RHPN1: variants seen among roughly 807,000 people sequenced by gnomAD.
The protein encoded by RHPN1 is rhophilin-1.
A neutral mutation model predicts 74.7 loss-of-function variants in RHPN1; 77 were observed. The ratio of observed to expected loss-of-function variants is 1.03; its 90% CI spans 0.86 to 1.25. RHPN1 has a LOEUF of 1.25. Among genes scored for constraint, RHPN1 ranks in the 50% most tolerant of loss-of-function variants. The probability of loss-of-function intolerance (pLI) is 0.00; values close to 1 mark genes in which losing one functional copy is unlikely to be tolerated. For missense variants in RHPN1, 987 were observed against 932.2 expected, an observed-to-expected ratio of 1.06 and a Z score of -0.77; for synonymous variants, 444 against 414.5, an observed-to-expected ratio of 1.07 and a Z score of -0.87.
At chr8:143,379,676 C>T (rs1020032263) in intron 8 of RHPN1, 153 bp from the exon 9 acceptor site, 23 of 985,276 alleles carry the variant, frequency 2.3e-5, no homozygotes, top group Non-Finnish European at 2.8e-5. Context: ...GGACCCGAGC[C>T]TCTGCCTCCA....
rs759074380 is a variant in RHPN1, at chr8:143,378,936, G to C, written c.609G>C (p.Pro203=). The stretch of plus-strand genomic sequence containing the variant: ...GGTACGACTCGCTTACTGGGGTCCC[G>C]GCCCAGCAGCGTGCCCTGGCCTTCG... ...FHWYDSLTGV[P]AQQRALAFEK... is the part of the protein sequence containing the mutation. The change falls in exon 7 of 15, where the codon CCG becomes CCC. Residue 203 remains proline, a synonymous_variant. Transcript: ENST00000289013. The C allele has an allele frequency of 1.3e-6, 2 of 1,582,438 alleles. No homozygotes were observed. Among genetic ancestry groups the C allele is most frequent in the African/African-American group, 1.4e-5 (1 of 74,010 alleles).
chr8:143,379,446 C>A lies in RHPN1; in HGVS notation c.883C>A (p.Pro295Thr). 1 of 1,575,184 alleles carries A rather than the reference C, an allele frequency of 6.3e-7. No individual in the cohort carries two copies. Reference protein sequence around the residue: ...QECVFEGLSPPASMAPQDCLA... With the variant: ...QECVFEGLSPTASMAPQDCLA... ...ATGTGTGTTTGAGGGCCTCTCACCACCTGCCTCCATGGCCCCCCAAGACTG... is the reference window on the plus strand; with the variant it reads ...ATGTGTGTTTGAGGGCCTCTCACCAACTGCCTCCATGGCCCCCCAAGACTG... The change falls in exon 8 of 15, where the codon CCT (proline) becomes ACT (threonine). Residue 295 changes from proline (P) to threonine (T), a missense_variant. Coordinates refer to ENST00000289013, the MANE Select transcript of RHPN1 (RefSeq NM_052924.3).
At chr8:143,377,626 C>T (rs1463578514) in intron 4 of RHPN1, among the ~76,000 whole-genome samples, 171 bp downstream of exon 4, 1 of 152,034 alleles carries the variant, frequency 6.6e-6, no homozygotes, top group Non-Finnish European at 1.5e-5. Context: ...CACAGGGACC[C>T]AGCCTCTGCT....
intron 1 of RHPN1, among the ~76,000 whole-genome samples, chr8:143,373,735 G>A (rs1479282581): frequency 6.6e-6 from 1 of 151,456 alleles, no homozygotes; most frequent in Non-Finnish European, 1.5e-5. Context: ...TGGGTTCCAG[G>A]GGACGGTGCC....
At chr8:143,367,399 G>C (rs1817580858), upstream of RHPN1, 2 of 152,406 alleles carry the variant, frequency 1.3e-5, no homozygotes, top group Admixed American at 1.3e-4. Context: ...AGGAGGCTGA[G>C]GTGGGAGGAT....
intron 3 of RHPN1, among the ~76,000 whole-genome samples, chr8:143,376,924 ATG>A (rs1586818855): frequency 7.3e-6 from 1 of 136,146 alleles, no homozygotes; most frequent in East Asian, 2.2e-4. Context: ...GTGTGTCTGC[ATG>A]TGTCTGTGTG....
rs1462915161 is a variant in RHPN1, at chr8:143,382,308, A to C, written c.1798-128A>C. The C allele has an allele frequency of 7.4e-6, 6 of 815,072 alleles. No homozygotes were observed. The East Asian group carries it at 1.6e-4, about 22-fold the overall frequency. 50.5% of individuals were successfully genotyped at this position (815,072 alleles called of 1,614,324 possible). On this transcript the variant is annotated intron_variant, in intron 14 of 14. Coordinates refer to ENST00000289013, the MANE Select transcript of RHPN1 (RefSeq NM_052924.3). Reference sequence around the variant, plus strand: ...GGGCCCCTGCTATGTGGCCACCCTGATGGGAGCCCCCAAACAAGCCCCCGA... The same window carrying C: ...GGGCCCCTGCTATGTGGCCACCCTGCTGGGAGCCCCCAAACAAGCCCCCGA...
At chr8:143,374,294 G>A (rs1818067835) in intron 1 of RHPN1, 1 of 985,340 alleles carries the variant, frequency 1.0e-6, no homozygotes, top group Non-Finnish European at 1.2e-6. Context: ...TCATGCAGTG[G>A]TAGGTCAGTT....
At chr8:143,371,869 G>A (rs1285836848) in intron 1 of RHPN1, among the ~76,000 whole-genome samples, 2 of 152,198 alleles carry the variant, frequency 1.3e-5, no homozygotes, top group Non-Finnish European at 2.9e-5. Flanking sequence ...GGGCCTGAAC[G>A]CCTGTGTCTA....
At chr8:143,365,524 C>T (rs1817545417), upstream of RHPN1, among the ~76,000 whole-genome samples, 1 of 152,220 alleles carries the variant, frequency 6.6e-6, no homozygotes, top group South Asian at 2.1e-4. Context: ...CCTGGCTTCC[C>T]GCTCACAGCC....
rs771562036 is a variant in RHPN1, at chr8:143,379,386, G to T, written c.823G>T (p.Ala275Ser). The change falls in exon 8 of 15, where the codon GCA (alanine) becomes TCA (serine). Residue 275 changes from alanine to serine, a missense_variant. By Grantham distance (99) the Ala-to-Ser change is moderately conservative (BLOSUM62 1). Transcript: ENST00000289013. ...SPDMSAASLC[A>S]LEQLMMAQAQ... Reference sequence around the variant, plus strand: ...AGACATGAGCGCTGCGTCCCTCTGCGCACTGGAGCAGCTCATGATGGCCCA... The same window carrying T: ...AGACATGAGCGCTGCGTCCCTCTGCTCACTGGAGCAGCTCATGATGGCCCA... 1.9e-6 allele frequency: 3 copies of T among 1,598,066 alleles called. No individual in the cohort carries two copies. Among genetic ancestry groups the T allele is most frequent in the Non-Finnish European group, 2.6e-6 (3 of 1,172,884 alleles).
At chr8:143,379,116 T>G (rs1286831235) in intron 7 of RHPN1, 38 bp downstream of exon 7, 1 of 1,458,048 alleles carries the variant, frequency 6.9e-7, no homozygotes, top group Non-Finnish European at 9.0e-7. Flanking sequence ...CACGGCGCGG[T>G]GCCAGGGTGT....
intron 14 of RHPN1, 66 bp from the exon 15 acceptor site, chr8:143,382,370 A>G: frequency 7.0e-7 from 1 of 1,420,240 alleles, no homozygotes. Context: ...CACCCCTCCC[A>G]GACTGGCTGC....
rs573509876 is a variant in RHPN1 at position 143,374,143 on chromosome 8, G to A, written c.61-1410G>A. The A allele has an allele frequency of 7.7e-5, 76 of 985,420 alleles. No homozygotes were observed. In the South Asian group the frequency reaches 3.1e-3, roughly 40 times the overall value. 61.0% of individuals were successfully genotyped at this position (985,420 alleles called of 1,614,324 possible). A position where few individuals can be genotyped will look rare whatever the true frequency, so the allele number is the denominator to read the frequency against. On this transcript the variant is annotated intron_variant, in intron 1 of 14. Coordinates refer to ENST00000289013, the MANE Select transcript of RHPN1 (RefSeq NM_052924.3). ...AAAAGAACTCTCTCCAGATATCTAG[G>A]AGAAAACCCAGGAAAACACGTGTGA...
Position 143,383,871 on chromosome 8 carries a change from G to C in RHPN1, c.*1220G>C, listed in dbSNP as rs568238086. The C allele has an allele frequency of 6.6e-6, 1 of 152,392 alleles. No homozygotes were observed. Among genetic ancestry groups the C allele is most frequent in the Non-Finnish European group, 1.5e-5 (1 of 68,164 alleles). The allele number at this position is 152,392 out of a possible 1,614,324, so 9.4% of individuals were successfully genotyped here. ...AGAAAGGCGGCCCCCAGCTCTGCGA[G>C]ACCCCTGCCCTCTTGTCCAGTCCCT... On this transcript the variant is annotated 3_prime_UTR_variant, in exon 15 of 15. Transcript: ENST00000289013.
At position 143,379,456 on chromosome 8, in the gene RHPN1, T is replaced by C. The variant is rs368278524; in HGVS notation, c.893T>C (p.Met298Thr). 21 of 1,572,136 alleles carry C rather than the reference T, an allele frequency of 1.3e-5. No individual in the cohort carries two copies. The highest frequency in any genetic ancestry group is 1.8e-5 in the Admixed American group (1 of 54,406). Residue 298 changes from methionine to threonine, a missense_variant, in exon 8 of 15, where the codon ATG (methionine) becomes ACG (threonine). Met to Thr is a moderately conservative substitution (Grantham distance 81). Transcript: ENST00000289013. ...VFEGLSPPASMAPQDCLAQLR... is the reference protein window; with the variant it reads ...VFEGLSPPASTAPQDCLAQLR... ...GAGGGCCTCTCACCACCTGCCTCCA[T>C]GGCCCCCCAAGACTGCCTGGCCCAG... is the stretch of plus-strand genomic sequence containing the variant.
In RHPN1 at chr8:143,377,272, A is replaced by T. The variant is rs1030741701; in HGVS notation, c.306-108A>T. 9.9e-6 allele frequency: 8 copies of T among 808,406 alleles called. No individual in the cohort carries two copies. In the African/African-American group the frequency reaches 1.4e-4, roughly 14 times the overall value. The allele number at this position is 808,406 out of a possible 1,614,324, so 50.1% of individuals were successfully genotyped here. The stretch of plus-strand genomic sequence containing the variant: ...AGGACACAGGCGCACGTGCACACCC[A>T]TGAGGGAGGGAGGCACCCTGTGCCA... On this transcript the variant is annotated intron_variant, in intron 3 of 14. Transcript: ENST00000289013.
intron 2 of RHPN1, 108 bp from the exon 3 acceptor site, chr8:143,376,416 AG>A: frequency 6.7e-7 from 1 of 1,493,296 alleles, no homozygotes; most frequent in South Asian, 1.2e-5. Flanking sequence ...CGTCCTCTGC[AG>A]GGTGGGCTTG....
intron 5 of RHPN1, 47 bp downstream of exon 5, chr8:143,378,393 A>G (rs985008194): frequency 8.6e-7 from 1 of 1,161,124 alleles, no homozygotes; most frequent in Non-Finnish European, 1.2e-6. Flanking sequence ...CCTGGGAGAC[A>G]CATGCGGAGG....
Sources: allele counts gnomAD v4.1 joint callset (sites outside exome capture counted in the v4.1 genomes callset), GRCh38; gene constraint gnomAD v4.1.1; transcripts MANE v1.5; gene names NCBI Gene and HGNC (gene_info 2026-07-23, HGNC 2026-07-21).